MROH2B: variants seen among roughly 807,000 people sequenced by gnomAD.
The protein encoded by MROH2B is maestro heat like repeat family member 2B, also known as maestro heat-like repeat-containing protein family member 2B.
In MROH2B, 177 loss-of-function variants were observed where a neutral mutation model predicts 208.6. The observed-to-expected ratio is 0.85, with a 90% CI of 0.75 to 0.96. The LOEUF (loss-of-function observed/expected upper bound fraction) is 0.96, where lower values mean the gene tolerates loss of function less well. Ranked by LOEUF, MROH2B falls within the 40% of genes least tolerant of loss-of-function variation. The pLI is 0.00. For synonymous variants in MROH2B, 728 were observed against 659.0 expected (o/e 1.10, Z -1.60); for missense variants, 2,002 against 1,878.7 (o/e 1.07, Z -1.21).
intron 20 of MROH2B, among the ~76,000 whole-genome samples, 177 bp downstream of exon 20, chr5:41,039,271 T>C (rs1742867025): frequency 6.6e-6 from 1 of 152,014 alleles, no homozygotes; most frequent in Non-Finnish European, 1.5e-5. Context: ...TCAGAGAAAA[T>C]AAAGTAGACT....
At chr5:41,065,631 G>T in intron 3 of MROH2B, 141 bp from the exon 4 acceptor site, 1 of 653,700 alleles carries the variant, frequency 1.5e-6, no homozygotes, top group Non-Finnish European at 2.5e-6. Context: ...TGTGCAGGTT[G>T]GTCACATGGT....
chr5:41,020,537 G>T (rs1378533583), intron 24 of MROH2B, among the ~76,000 whole-genome samples: 1 of 152,168 alleles, frequency 6.6e-6, no homozygotes, highest in Admixed American at 6.5e-5. Context: ...GTCATATCTT[G>T]TTCATCATTG....
chr5:41,015,168 A>G (rs1207101178), intron 29 of MROH2B, among the ~76,000 whole-genome samples: 1 of 152,210 alleles, frequency 6.6e-6, no homozygotes, highest in African/African-American at 2.4e-5. Context: ...ACATTTTGGG[A>G]AAGGACACTT....
intron 16 of MROH2B, 159 bp downstream of exon 16, chr5:41,048,165 T>C (rs1345024933): frequency 3.8e-6 from 3 of 783,466 alleles, no homozygotes; most frequent in African/African-American, 1.8e-5. Context: ...AAACAGAACA[T>C]AAGGAGTTAA....
At chr5:41,032,949 T>C in intron 23 of MROH2B, 92 bp downstream of exon 23, 1 of 1,566,390 alleles carries the variant, frequency 6.4e-7, no homozygotes, top group South Asian at 1.2e-5. Flanking sequence ...TATGTGGGAC[T>C]GGTGAAGTCT....
intron 1 of MROH2B, 43 bp downstream of exon 1, chr5:41,070,782 C>T: frequency 4.4e-6 from 7 of 1,598,120 alleles, no homozygotes; most frequent in South Asian, 1.1e-5. Context: ...AGAAACAAAA[C>T]ACAGGGAAGA....
At chr5:41,000,473 G>T in intron 38 of MROH2B, 122 bp from the exon 39 acceptor site, 1 of 1,380,814 alleles carries the variant, frequency 7.2e-7, no homozygotes, top group Non-Finnish European at 9.7e-7. Flanking sequence ...TGGCTTTATA[G>T]TCATTGCTGG....
Position 41,005,570 on chromosome 5 carries a change from C to T in MROH2B, c.3825G>A (p.Ser1275=), listed in dbSNP as rs777920506. The T allele has an allele frequency of 8.1e-6, 13 of 1,609,790 alleles. No homozygotes were observed. The highest frequency in any genetic ancestry group is 4.0e-5 in the African/African-American group (3 of 74,892). The change falls in exon 35 of 42, where the codon TCG becomes TCA. Residue 1275 remains serine (S), a synonymous_variant. Transcript: ENST00000399564. ...CTGCGCCGGTTATCCGGTAGTTCTC[C>T]GAGGAGGAGGTAAGAGATGAGAGCA... ...EQLLSSLTSS[S]ENYRITGAAF... is the part of the protein sequence containing the mutation.
intron 35 of MROH2B, 106 bp downstream of exon 35, chr5:41,005,425 C>CACCTCCG: frequency 9.3e-6 from 2 of 215,380 alleles, no homozygotes; most frequent in East Asian, 8.7e-5. Flanking sequence ...CCCCCCCCCC[C>CACCTCCG]TTGAAGTCTC....
rs532946861 is a variant in MROH2B, at chr5:41,052,332, T to A, written c.1230+133A>T. The A allele has an allele frequency of 1.1e-4, 91 of 835,896 alleles. No homozygotes were observed. The South Asian group carries it at 2.7e-3, about 25-fold the overall frequency. The allele number at this position is 835,896 out of a possible 1,614,324, so 51.8% of individuals were successfully genotyped here. A position where few individuals can be genotyped will look rare whatever the true frequency, so the allele number is the denominator to read the frequency against. Reference sequence around the variant, plus strand: ...GAATTCCAGTTATTTTTAATTTTTTTAAAATTTATTTATTTATTTTTTACT... The same window carrying A: ...GAATTCCAGTTATTTTTAATTTTTTAAAAATTTATTTATTTATTTTTTACT... On this transcript the variant is annotated intron_variant, in intron 12 of 41. Transcript: ENST00000399564.
rs371244989 is a variant in MROH2B, at chr5:41,054,837, G to A, written c.1037C>T (p.Pro346Leu). ...TGAAATGATGTGATCCCTCAACCTG[G>A]GCTCTGAAAGACAGAGGGAGAAATT... Reference protein sequence around the residue: ...LLRLAVNADEPRLRDHIISIE... With the variant: ...LLRLAVNADELRLRDHIISIE... Residue 346 changes from proline to leucine, a missense_variant, in exon 11 of 42, where the codon CCC (proline) becomes CTC (leucine). Coordinates refer to ENST00000399564, the MANE Select transcript of MROH2B (RefSeq NM_173489.5). 20 of 1,607,506 alleles carry A rather than the reference G, an allele frequency of 1.2e-5. No individual in the cohort carries two copies. Among genetic ancestry groups the A allele is most frequent in the Admixed American group, 1.7e-5 (1 of 59,392 alleles).
rs746890260 is a variant in MROH2B, at chr5:41,005,616, A to G, written c.3779T>C (p.Ile1260Thr). Residue 1260 changes from isoleucine to threonine, a missense_variant, in exon 35 of 42, where the codon ATA (isoleucine) becomes ACA (threonine). Coordinates refer to ENST00000399564, the MANE Select transcript of MROH2B (RefSeq NM_173489.5). ...GAGCAGCTGTTCCATGATGTCCAGT[A>G]TGACTCCGTGTTGCCACACTGCCAT... The part of the protein sequence containing the change: ...RSMAVWQHGV[I>T]LDIMEQLLSS... 3.7e-6 allele frequency: 6 copies of G among 1,612,234 alleles called. No individual in the cohort carries two copies. Among genetic ancestry groups the G allele is most frequent in the Middle Eastern group, 1.6e-4 (1 of 6,062 alleles).
intron 41 of MROH2B, 50 bp downstream of exon 41, chr5:40,998,562 T>C (rs764491057): frequency 7.5e-6 from 11 of 1,465,126 alleles, no homozygotes; most frequent in Middle Eastern, 1.7e-4. Flanking sequence ...TATTTTCTCT[T>C]TTCCTAAGAA....
chr5:41,008,534 A>G, intron 33 of MROH2B, 72 bp downstream of exon 33: 3 of 1,535,680 alleles, frequency 2.0e-6, no homozygotes, highest in Non-Finnish European at 1.8e-6. Context: ...ACAGACCCTG[A>G]CTTCTGCAGC....
At chr5:41,021,646 G>C (rs1191018062) in intron 24 of MROH2B, among the ~76,000 whole-genome samples, 2 of 152,158 alleles carry the variant, frequency 1.3e-5, no homozygotes, top group Non-Finnish European at 2.9e-5. Context: ...GGGAGGCTGA[G>C]GTGGGCTGAG....
intron 6 of MROH2B, among the ~76,000 whole-genome samples, chr5:41,059,707 C>T (rs930760785): frequency 1.3e-5 from 2 of 152,118 alleles, no homozygotes; most frequent in African/African-American, 2.4e-5. Flanking sequence ...GCTTCTAAGA[C>T]CTCATTCTAC....
Position 41,070,843 on chromosome 5 carries a change from T to C in MROH2B, c.10A>G (p.Ser4Gly). MTL[S>G]TEESIEMFGD... ...TGCTTACCTATGGATTCCTCTGTAC[T>C]AAGTGTCATGTCTTGGCTGTTTCAG... The change falls in exon 1 of 42, where the codon AGT (serine) becomes GGT (glycine). Residue 4 changes from serine (S) to glycine (G), a missense_variant. By Grantham distance (56) the Ser-to-Gly change is moderately conservative (BLOSUM62 0). Coordinates refer to ENST00000399564, the MANE Select transcript of MROH2B (RefSeq NM_173489.5). The C allele has an allele frequency of 6.2e-7, 1 of 1,611,286 alleles. No individual in the cohort carries two copies. Among genetic ancestry groups the C allele is most frequent in the Non-Finnish European group, 8.5e-7 (1 of 1,178,608 alleles).
Position 41,050,986 on chromosome 5 carries a change from T to C in MROH2B, c.1335A>G (p.Gly445=). 6.4e-7 allele frequency: 1 copy of C among 1,573,970 alleles called. No homozygotes were observed. The highest frequency in any genetic ancestry group is 1.4e-5 in the African/African-American group (1 of 72,202). The change falls in exon 13 of 42, where the codon GGA becomes GGG. Residue 445 remains glycine (G), a synonymous_variant. Coordinates refer to ENST00000399564, the MANE Select transcript of MROH2B (RefSeq NM_173489.5). ...VLKTLDPLVI[G]MPQVLWPRIL... is the part of the protein sequence containing the mutation. ...ACAAAAGACCACTTACCTGAGGCAT[T>C]CCAATGACCAGTGGGTCCAGGGTTT...
Position 41,008,799 on chromosome 5 carries a change from G to A in MROH2B, c.3421-6C>T. On this transcript the variant is annotated splice_polypyrimidine_tract_variant and splice_region_variant and intron_variant, in intron 32 of 41. Transcript: ENST00000399564. The stretch of plus-strand genomic sequence containing the variant: ...TCATACATAGCACAGGCCACCTGAG[G>A]GGAGAAAGGGCCTCTTGGTCAGGCA... The A allele has an allele frequency of 6.2e-7, 1 of 1,604,602 alleles. No homozygotes were observed. Among genetic ancestry groups the A allele is most frequent in the South Asian group, 1.1e-5 (1 of 90,054 alleles).
Sources: allele counts gnomAD v4.1 joint callset (sites outside exome capture counted in the v4.1 genomes callset), GRCh38; gene constraint gnomAD v4.1.1; transcripts MANE v1.5; gene names NCBI Gene and HGNC (gene_info 2026-07-23, HGNC 2026-07-21).